Variants in EGFL6 observed in about 807,000 individuals in gnomAD.
The protein encoded by EGFL6 is epidermal growth factor-like protein 6.
A neutral mutation model predicts 43.1 loss-of-function variants in EGFL6; 42 were observed. The observed-to-expected ratio is 0.98, with a 90% CI of 0.76 to 1.26. The LOEUF is 1.26. EGFL6 is among the 50% of genes most tolerant of loss of function. The pLI is 0.00. For missense variants in EGFL6, 429 were observed against 427.8 expected (o/e 1.00, Z -0.02); for synonymous variants, 164 against 163.2 (o/e 1.01, Z -0.04).
intron 3 of EGFL6, 99 bp from the exon 4 acceptor site, chrX:13,599,876 C>T: frequency 1.1e-6 from 1 of 950,307 alleles, no homozygotes. Flanking sequence ...TTCAGGGAAG[C>T]TAACCCAGTT....
intron 7 of EGFL6, among the ~76,000 whole-genome samples, chrX:13,611,100 G>C (rs181744878): frequency 9.0e-6 from 1 of 110,730 alleles, no homozygotes; most frequent in East Asian, 2.8e-4. Context: ...CTGTCTCACT[G>C]TCTCCTCTCC....
intron 7 of EGFL6, among the ~76,000 whole-genome samples, chrX:13,609,057 A>G (rs2045676072): frequency 8.9e-6 from 1 of 112,760 alleles, no homozygotes; most frequent in Non-Finnish European, 1.9e-5. Flanking sequence ...ACATCTAACA[A>G]TAAAATGTCA....
intron 10 of EGFL6, among the ~76,000 whole-genome samples, chrX:13,624,127 C>T (rs2045765948): frequency 9.0e-6 from 1 of 111,369 alleles, no homozygotes; most frequent in Middle Eastern, 4.6e-3. Flanking sequence ...CTCTCCCACA[C>T]ACCTGCCACC....
At chrX:13,603,268 C>G (rs374675642) in intron 4 of EGFL6, 49 bp from the exon 5 acceptor site, 8 of 1,135,815 alleles carry the variant, frequency 7.0e-6, no homozygotes, top group Admixed American at 5.7e-5. Flanking sequence ...TTAGTAAGCT[C>G]TTTTTATCAT....
At chrX:13,586,703 G>A (rs1382133990) in intron 1 of EGFL6, among the ~76,000 whole-genome samples, 1 of 111,647 alleles carries the variant, frequency 9.0e-6, no homozygotes, top group East Asian at 2.8e-4. Context: ...TGCACCATAT[G>A]ACCCAACAAT....
chrX:13,594,084 CT>C (rs1368845501), intron 2 of EGFL6, among the ~76,000 whole-genome samples: 1 of 111,104 alleles, frequency 9.0e-6, no homozygotes, highest in Non-Finnish European at 1.9e-5. Context: ...ACTCTTGAGG[CT>C]TTCCCATTTT....
At position 13,627,277 on chromosome X, in the gene EGFL6, G is replaced by GT. The variant is rs2045786726; in HGVS notation, c.1551+2dup. On this transcript the variant is annotated splice_donor_variant, in intron 11 of 11. Transcript: ENST00000361306. LOFTEE classifies it high-confidence loss of function. ...TCAAGGAACTGATGCTACCAAAAGC[G>GT]TAAGTGGGAAAAAAATGATTAAACT... The GT allele has an allele frequency of 3.3e-6, 4 of 1,196,454 alleles. No homozygotes were observed. In the South Asian group the frequency reaches 5.5e-5, roughly 16 times the overall value.
intron 10 of EGFL6, among the ~76,000 whole-genome samples, chrX:13,625,491 C>A (rs2045773554): frequency 9.0e-6 from 1 of 110,561 alleles, no homozygotes; most frequent in African/African-American, 3.3e-5. Context: ...CAAGACCAGC[C>A]TGGCTAACAT....
chrX:13,603,456 C>G lies in EGFL6; in HGVS notation c.520+20C>G, dbSNP rs375564027. On this transcript the variant is annotated intron_variant, in intron 5 of 11. Transcript: ENST00000361306. ...GTCTAGGTACAACAGCAGGAATCAC[C>G]TCTACTCCTCCTTCTCCTCCCTTGA... The G allele has an allele frequency of 8.5e-7, 1 of 1,179,979 alleles. No homozygotes were observed. The highest frequency in any genetic ancestry group is 1.8e-5 in the African/African-American group (1 of 56,661).
At chrX:13,582,414 A>G (rs977704696) in intron 1 of EGFL6, among the ~76,000 whole-genome samples, 1 of 111,298 alleles carries the variant, frequency 9.0e-6, no homozygotes, top group Non-Finnish European at 1.9e-5. Flanking sequence ...AGTGATGTAG[A>G]TTTGATGGCA....
chrX:13,617,905 T>G lies in EGFL6; in HGVS notation c.954T>G (p.Tyr318Ter). Residue 318 changes from tyrosine to a stop codon, truncating the protein, a stop_gained, in exon 8 of 12, where the codon TAT (tyrosine) becomes TAG (stop). Transcript: ENST00000361306. LOFTEE classifies it high-confidence loss of function. ...AGGTGAACTTGCAGCCCTTCAACTA[T>G]GAAGAGATAGTTTCCAGAGGCGGGA... ...TPKVNLQPFNYEEIVSRGGNS... is the reference protein window; with the variant it reads ...TPKVNLQPFN The G allele has an allele frequency of 8.3e-7, 1 of 1,210,797 alleles. No homozygotes were observed. Among genetic ancestry groups the G allele is most frequent in the Non-Finnish European group, 1.1e-6 (1 of 895,316 alleles).
At chrX:13,576,822 A>G (rs1258587091) in intron 1 of EGFL6, among the ~76,000 whole-genome samples, 3 of 111,701 alleles carry the variant, frequency 2.7e-5, no homozygotes, top group Non-Finnish European at 5.6e-5. Flanking sequence ...TGAACAAGTG[A>G]CAGATTTAAA....
intron 7 of EGFL6, among the ~76,000 whole-genome samples, chrX:13,612,654 G>A (rs896232565): frequency 1.7e-4 from 19 of 110,703 alleles, no homozygotes; most frequent in Non-Finnish European, 3.2e-4. Flanking sequence ...TCCCAGACGG[G>A]GCGGCTGGCC....
intron 11 of EGFL6, among the ~76,000 whole-genome samples, chrX:13,631,087 C>T (rs2045808276): frequency 1.8e-5 from 2 of 112,554 alleles, no homozygotes; most frequent in South Asian, 7.2e-4. Context: ...TTTTATTTAT[C>T]TGTAACTGCA....
chrX:13,615,530 T>C (rs770642099), intron 7 of EGFL6, among the ~76,000 whole-genome samples: 24 of 111,930 alleles, frequency 2.1e-4, no homozygotes, highest in African/African-American at 7.8e-4. Flanking sequence ...CTATATATGA[T>C]CACACATTAC....
intron 1 of EGFL6, among the ~76,000 whole-genome samples, chrX:13,570,609 A>G (rs1053250234): frequency 9.0e-6 from 1 of 111,577 alleles, no homozygotes; most frequent in African/African-American, 3.3e-5. Context: ...TTTTCCAGAG[A>G]TCGGCAAAGA....
rs1200659121 is a variant in EGFL6 at position 13,627,175 on chromosome X, A to G, written c.1450A>G (p.Asn484Asp). 3.3e-6 allele frequency: 4 copies of G among 1,212,270 alleles called. No individual in the cohort carries two copies. Among genetic ancestry groups the G allele is most frequent in the Non-Finnish European group, 4.5e-6 (4 of 895,671 alleles). ...KVGKLRVFVK[N>D]SNNALAWEKT... ...CGGGAAACTTCGAGTGTTTGTGAAA[A>G]ACAGTAACAATGCCCTGGCATGGGA... The change falls in exon 11 of 12, where the codon AAC becomes GAC. Residue 484 changes from asparagine to aspartate, a missense_variant. Physicochemically the swap from Asn to Asp is conservative, Grantham distance 23 (BLOSUM62 1). Coordinates refer to ENST00000361306, the MANE Select transcript of EGFL6 (RefSeq NM_015507.4).
At chrX:13,578,834 C>T (rs767653055) in intron 1 of EGFL6, among the ~76,000 whole-genome samples, 27 of 109,637 alleles carry the variant, frequency 2.5e-4, no homozygotes, top group South Asian at 2.3e-3. Context: ...ATGTAAATGA[C>T]GAGTTAATGG....
At chrX:13,581,499 G>A (rs5979915) in intron 1 of EGFL6, among the ~76,000 whole-genome samples, 23,630 of 111,380 alleles carry the variant, frequency 0.21, 2,023 homozygotes, top group East Asian at 0.62. Context: ...GGACCTTGTT[G>A]TCCCTATTTA....
Sources: allele counts gnomAD v4.1 joint callset (sites outside exome capture counted in the v4.1 genomes callset), GRCh38; gene constraint gnomAD v4.1.1; transcripts MANE v1.5; gene names NCBI Gene and HGNC (gene_info 2026-07-23, HGNC 2026-07-21).